The following GABRB3 variants were observed in gnomAD, a reference collection of about 807,000 sequenced individuals.
The protein encoded by GABRB3 is gamma-aminobutyric acid type A receptor subunit beta3, also known as gamma-aminobutyric acid receptor subunit beta-3.
Under a neutral mutation model 52.1 loss-of-function variants are expected in GABRB3, and 14 were observed. That is an observed-to-expected ratio of 0.27 (90% confidence interval 0.18 to 0.42). The LOEUF is 0.42. Among genes scored for constraint, GABRB3 ranks in the 10% least tolerant of loss-of-function variants. The pLI, the probability that GABRB3 is intolerant of heterozygous loss-of-function variation, is 1.00. For synonymous variants in GABRB3, 260 were observed against 232.3 expected, an observed-to-expected ratio of 1.12 and a Z score of -1.08; for missense variants, 307 against 609.1, an observed-to-expected ratio of 0.50 and a Z score of 5.22.
intron 3 of GABRB3, among the ~76,000 whole-genome samples, chr15:26,643,920 G>T (rs1893281556): frequency 6.6e-6 from 1 of 152,194 alleles, no homozygotes; most frequent in Non-Finnish European, 1.5e-5. Flanking sequence ...GACACCGTCT[G>T]CCTTAGTGGG....
intron 3 of GABRB3, among the ~76,000 whole-genome samples, chr15:26,705,053 A>T (rs375125699): frequency 6.6e-5 from 10 of 152,288 alleles, no homozygotes; most frequent in African/African-American, 2.4e-4. Flanking sequence ...TCCTCCTCTG[A>T]CTTACCCTAT....
upstream of GABRB3, chr15:26,773,141 G>A (rs2140200369): frequency 6.4e-6 from 3 of 465,416 alleles, no homozygotes; most frequent in African/African-American, 4.2e-5. Context: ...AGGAGGAGCG[G>A]GGAGGGAGGA....
intron 3 of GABRB3, among the ~76,000 whole-genome samples, chr15:26,653,422 A>C (rs1887258992): frequency 1.3e-5 from 2 of 152,202 alleles, no homozygotes; most frequent in South Asian, 4.1e-4. Context: ...AATCCCACCC[A>C]GGCACAGAAG....
chr15:26,663,013 G>A (rs1035653044), intron 3 of GABRB3, among the ~76,000 whole-genome samples: 2 of 152,066 alleles, frequency 1.3e-5, no homozygotes, highest in African/African-American at 4.8e-5. Context: ...ATAGACATTG[G>A]TACATTCCAC....
Position 26,593,687 on chromosome 15 carries a change from A to C in GABRB3, c.462-10273T>G, listed in dbSNP as rs185069820. 9.2e-5 allele frequency among the ~76,000 whole-genome samples: 14 copies of C among 152,206 alleles called. No homozygotes were observed. In the East Asian group the frequency reaches 1.9e-3, roughly 21 times the overall value. On this transcript the variant is annotated intron_variant, in intron 4 of 8. Coordinates refer to ENST00000311550, the MANE Select transcript of GABRB3 (RefSeq NM_000814.6). ...AAACTGAAAAAATTCCATTATATGG[A>C]TATACCATATTTTATTTATCCATTC...
intron 3 of GABRB3, among the ~76,000 whole-genome samples, chr15:26,645,169 G>T (rs1336320226): frequency 6.6e-6 from 1 of 152,008 alleles, no homozygotes; most frequent in East Asian, 1.9e-4. Context: ...TTGAGCCCAG[G>T]AATTCCAGGT....
At chr15:26,628,126 T>G (rs1892777383) in intron 3 of GABRB3, among the ~76,000 whole-genome samples, 2 of 152,262 alleles carry the variant, frequency 1.3e-5, no homozygotes, top group African/African-American at 2.4e-5. Flanking sequence ...GTATATTTTA[T>G]AGACATAATG....
intron 4 of GABRB3, among the ~76,000 whole-genome samples, chr15:26,596,577 A>T (rs1030005236): frequency 2.0e-5 from 3 of 152,168 alleles, no homozygotes; most frequent in African/African-American, 7.2e-5. Flanking sequence ...TTATGGGTAA[A>T]CCTTTAAATA....
intron 6 of GABRB3, among the ~76,000 whole-genome samples, chr15:26,573,003 T>A (rs1344445156): frequency 2.6e-5 from 4 of 152,214 alleles, no homozygotes; most frequent in Admixed American, 2.0e-4. Flanking sequence ...GCATTAATAT[T>A]TTTGAAGAAC....
At chr15:26,673,171 T>A (rs1887951533) in intron 3 of GABRB3, among the ~76,000 whole-genome samples, 1 of 152,162 alleles carries the variant, frequency 6.6e-6, no homozygotes, top group South Asian at 2.1e-4. Context: ...AAACTCAACA[T>A]TCATTAATTC....
intron 3 of GABRB3, among the ~76,000 whole-genome samples, chr15:26,631,268 A>C (rs148019455): frequency 6.6e-6 from 1 of 152,260 alleles, no homozygotes; most frequent in East Asian, 1.9e-4. Flanking sequence ...CAGGCAGCTC[A>C]GATGAATTGC....
chr15:26,553,726 G>A (rs982626367), intron 8 of GABRB3, among the ~76,000 whole-genome samples: 3 of 151,966 alleles, frequency 2.0e-5, no homozygotes, highest in Admixed American at 6.6e-5. Context: ...CCATGTGGCT[G>A]CTACATGTCA....
chr15:26,747,061 C>T (rs1175917695), intron 3 of GABRB3, among the ~76,000 whole-genome samples: 1 of 152,186 alleles, frequency 6.6e-6, no homozygotes, highest in African/African-American at 2.4e-5. Flanking sequence ...TCTGAATTGA[C>T]TATTCTATTC....
chr15:26,645,045 C>A (rs1187131795), intron 3 of GABRB3, among the ~76,000 whole-genome samples: 3 of 152,112 alleles, frequency 2.0e-5, no homozygotes, highest in Non-Finnish European at 4.4e-5. Context: ...GCAATTGAGA[C>A]CAGCCTGGGA....
At chr15:26,692,759 T>C (rs756650470) in intron 3 of GABRB3, among the ~76,000 whole-genome samples, 19 of 152,138 alleles carry the variant, frequency 1.2e-4, no homozygotes, top group Non-Finnish European at 2.2e-4. Context: ...TCGTATTATT[T>C]ATACTGCTTT....
At chr15:26,643,322 CAGA>C (rs2140576239) in intron 3 of GABRB3, among the ~76,000 whole-genome samples, 1 of 152,294 alleles carries the variant, frequency 6.6e-6, no homozygotes, top group African/African-American at 2.4e-5. Context: ...TGCCAGAAAG[CAGA>C]AGAGCAAGCC....
At chr15:26,568,684 G>GTGGTT (rs373552704) in intron 6 of GABRB3, among the ~76,000 whole-genome samples, 1 of 133,670 alleles carries the variant, frequency 7.5e-6, no homozygotes, top group Non-Finnish European at 1.6e-5. Context: ...TTTTTTTTTG[G>GTGGTT]TTTTGTATGT....
At chr15:26,582,056 A>C (rs987575038) in intron 5 of GABRB3, among the ~76,000 whole-genome samples, 2 of 152,228 alleles carry the variant, frequency 1.3e-5, no homozygotes, top group Non-Finnish European at 2.9e-5. Context: ...ATATGGAGAC[A>C]TGTGTAGTCA....
At chr15:26,618,055 AG>A (rs1892329073) in intron 4 of GABRB3, among the ~76,000 whole-genome samples, 1 of 152,120 alleles carries the variant, frequency 6.6e-6, no homozygotes, top group Non-Finnish European at 1.5e-5. Context: ...GCTCATGGGC[AG>A]GAAGAATCAG....
Sources: allele counts gnomAD v4.1 joint callset (sites outside exome capture counted in the v4.1 genomes callset), GRCh38; gene constraint gnomAD v4.1.1; transcripts MANE v1.5; gene names NCBI Gene and HGNC (gene_info 2026-07-23, HGNC 2026-07-21).